Variants in RBMS3 observed in about 807,000 individuals in gnomAD.
RBMS3 encodes the protein RNA binding motif single stranded interacting protein 3.
RBMS3 carries 27 observed loss-of-function variants against 66.8 expected under a neutral mutation model. The observed-to-expected ratio is 0.40, with a 90% CI of 0.30 to 0.56. The LOEUF (loss-of-function observed/expected upper bound fraction) is 0.56. RBMS3 is among the 20% of genes least tolerant of loss of function. RBMS3 has a pLI of 0.40. For synonymous variants in RBMS3, 188 were observed against 183.0 expected (o/e 1.03, Z -0.22); for missense variants, 513 against 549.5 (o/e 0.93, Z 0.66).
chr3:29,904,332 C>G (rs2060324823), intron 10 of RBMS3, among the ~76,000 whole-genome samples: 1 of 151,846 alleles, frequency 6.6e-6, no homozygotes, highest in Non-Finnish European at 1.5e-5. Flanking sequence ...TCTATCCAGT[C>G]AATTTTATAT....
intron 1 of RBMS3, among the ~76,000 whole-genome samples, chr3:29,402,441 T>C (rs1404708670): frequency 6.6e-6 from 1 of 152,060 alleles, no homozygotes; most frequent in Non-Finnish European, 1.5e-5. Flanking sequence ...ATTTCTTGAA[T>C]GAACAGATTA....
At chr3:29,371,460 A>G (rs369988794) in intron 1 of RBMS3, among the ~76,000 whole-genome samples, 1 of 152,232 alleles carries the variant, frequency 6.6e-6, no homozygotes, top group African/African-American at 2.4e-5. Flanking sequence ...TTGGAAACAC[A>G]CAGACACACA....
At chr3:29,610,145 G>A (rs2048445655) in intron 4 of RBMS3, among the ~76,000 whole-genome samples, 1 of 151,898 alleles carries the variant, frequency 6.6e-6, no homozygotes, top group Non-Finnish European at 1.5e-5. Flanking sequence ...CAAATATCCA[G>A]GGAGATATGG....
chr3:29,443,541 G>A (rs541632847), intron 2 of RBMS3, among the ~76,000 whole-genome samples: 22 of 152,272 alleles, frequency 1.4e-4, no homozygotes, highest in East Asian at 9.6e-4. Flanking sequence ...AAGGAGTCAG[G>A]CAGATAATAT....
At chr3:29,322,127 T>A (rs925328436) in intron 1 of RBMS3, among the ~76,000 whole-genome samples, 8 of 152,076 alleles carry the variant, frequency 5.3e-5, no homozygotes, top group African/African-American at 7.2e-5. Flanking sequence ...TCCTCTCTTT[T>A]ATTTTTTTTT....
chr3:29,802,252 A>G (rs2057412965), intron 6 of RBMS3, among the ~76,000 whole-genome samples: 1 of 152,140 alleles, frequency 6.6e-6, no homozygotes, highest in Admixed American at 6.6e-5. Context: ...ACGTACTGCT[A>G]TTTATCTATC....
intron 11 of RBMS3, among the ~76,000 whole-genome samples, chr3:29,943,390 A>C (rs1391557827): frequency 2.0e-5 from 3 of 151,844 alleles, no homozygotes; most frequent in African/African-American, 7.2e-5. Context: ...CCTATGCCAT[A>C]TTCCAATCTC....
intron 8 of RBMS3, 71 bp from the exon 9 acceptor site, chr3:29,897,308 T>C: frequency 7.4e-7 from 1 of 1,352,752 alleles, no homozygotes; most frequent in Non-Finnish European, 1.1e-6. Flanking sequence ...CCATAGGTAC[T>C]TGATAGCATT....
At chr3:29,744,958 A>G (rs2054819794) in intron 5 of RBMS3, among the ~76,000 whole-genome samples, 2 of 152,266 alleles carry the variant, frequency 1.3e-5, no homozygotes, top group Admixed American at 6.5e-5. Context: ...TCTAACCATC[A>G]TATGTGGTCC....
intron 10 of RBMS3, among the ~76,000 whole-genome samples, chr3:29,927,548 C>CGGTA (rs2060972617): frequency 6.6e-6 from 1 of 152,110 alleles, no homozygotes; most frequent in Non-Finnish European, 1.5e-5. Flanking sequence ...AGCAAGTGAC[C>CGGTA]GGTAGCCTGG....
At chr3:29,315,297 A>T (rs1218027554) in intron 1 of RBMS3, among the ~76,000 whole-genome samples, 1 of 151,710 alleles carries the variant, frequency 6.6e-6, no homozygotes, top group East Asian at 1.9e-4. Flanking sequence ...AGTTGAAAAA[A>T]ACCCAAAAAT....
At chr3:29,325,753 A>G (rs1471963748) in intron 1 of RBMS3, among the ~76,000 whole-genome samples, 3 of 152,136 alleles carry the variant, frequency 2.0e-5, no homozygotes, top group African/African-American at 7.2e-5. Flanking sequence ...TCTATGGCTT[A>G]AATTATGTAA....
At chr3:29,611,601 C>T (rs1408268985) in intron 4 of RBMS3, among the ~76,000 whole-genome samples, 2 of 151,790 alleles carry the variant, frequency 1.3e-5, no homozygotes, top group South Asian at 4.1e-4. Context: ...AAAGAATCTT[C>T]ATAAGTTCGT....
At chr3:29,335,896 T>C (rs1309223977) in intron 1 of RBMS3, among the ~76,000 whole-genome samples, 1 of 152,174 alleles carries the variant, frequency 6.6e-6, no homozygotes, top group Non-Finnish European at 1.5e-5. Flanking sequence ...TTTTGTTTTT[T>C]ATTCTGTTTT....
intron 2 of RBMS3, among the ~76,000 whole-genome samples, chr3:29,452,057 C>G (rs1239590429): frequency 6.6e-6 from 1 of 152,148 alleles, no homozygotes; most frequent in African/African-American, 2.4e-5. Context: ...TTTTCTGGAT[C>G]TAGATGTGTC....
At position 29,384,435 on chromosome 3, in the gene RBMS3, T is replaced by TAAGAAG. The variant is rs71628521; in HGVS notation, c.76-50281_76-50276dup. On this transcript the variant is annotated intron_variant, in intron 1 of 14. Transcript: ENST00000383767. ...TATACACCAATAATAATAATAATAATAAGAAGAAGAAGAAGAAGAAGAAGA... is the reference window on the plus strand; with the variant it reads ...TATACACCAATAATAATAATAATAATAAGAAGAAGAAGAAGAAGAAGAAGAAGAAGA... 7.4e-3 allele frequency among the ~76,000 whole-genome samples: 1,044 copies of TAAGAAG among 141,088 alleles called. 13 individuals are homozygous for TAAGAAG. Among genetic ancestry groups the TAAGAAG allele is most frequent in the Admixed American group, 0.024 (330 of 14,042 alleles). The allele number at this position is 141,088 out of a possible 152,430, so 92.6% of individuals were successfully genotyped here. A position where few individuals can be genotyped will look rare whatever the true frequency, so the allele number is the denominator to read the frequency against.
intron 6 of RBMS3, among the ~76,000 whole-genome samples, chr3:29,791,138 G>C (rs1377258352): frequency 6.6e-6 from 1 of 152,064 alleles, no homozygotes; most frequent in Admixed American, 6.5e-5. Context: ...TTTTGTTTTT[G>C]TTTTTTAAAG....
rs571364924 is a variant in RBMS3, at chr3:29,304,985, T to C, written c.75+23229T>C. The stretch of plus-strand genomic sequence containing the variant: ...CCAAGTTTGCTCTTACCAACTATCT[T>C]CTCTGCCCCTGCCCAGCTCTATGAC... On this transcript the variant is annotated intron_variant, in intron 1 of 14. Transcript: ENST00000383767. Among the ~76,000 whole-genome samples, 14 of 152,034 alleles carry C rather than the reference T, an allele frequency of 9.2e-5. No homozygotes were observed. The South Asian group carries it at 2.9e-3, about 32-fold the overall frequency.
intron 4 of RBMS3, among the ~76,000 whole-genome samples, chr3:29,663,408 A>C (rs751095315): frequency 6.6e-6 from 1 of 152,208 alleles, no homozygotes; most frequent in African/African-American, 2.4e-5. Flanking sequence ...ATTTTTGGAC[A>C]TGTGTGAAGA....
Sources: gnomAD v4.1 joint callset for allele counts (sites outside exome capture counted in the v4.1 genomes callset) on GRCh38, gnomAD v4.1.1 for gene constraint, MANE v1.5 for transcripts, NCBI Gene and HGNC (gene_info 2026-07-23, HGNC 2026-07-21) for gene names.